Variants in PSEN2 observed in about 807,000 individuals in gnomAD.
PSEN2 encodes presenilin-2.
PSEN2 carries 32 observed loss-of-function variants against 49.1 expected under a neutral mutation model. The ratio of observed to expected loss-of-function variants is 0.65; its 90% CI spans 0.49 to 0.88. The LOEUF (loss-of-function observed/expected upper bound fraction) is 0.88. PSEN2 is among the 40% of genes least tolerant of loss of function. The probability of loss-of-function intolerance (pLI) is 0.00; values close to 1 mark genes in which losing one functional copy is unlikely to be tolerated. For synonymous variants in PSEN2, 255 were observed against 244.0 expected, an observed-to-expected ratio of 1.05 and a Z score of -0.42; for missense variants, 522 against 586.9, an observed-to-expected ratio of 0.89 and a Z score of 1.14.
In PSEN2 at chr1:226,891,353, C is replaced by T. The variant is rs1311206219; in HGVS notation, c.962C>T (p.Pro321Leu). Reference sequence around the variant, plus strand: ...GGTGCCCTCCAGCTCCCCTACGACCCGGAGATGGGTGAGTATCTTGGGGAG... The same window carrying T: ...GGTGCCCTCCAGCTCCCCTACGACCTGGAGATGGGTGAGTATCTTGGGGAG... ...SQGALQLPYD[P>L]EMEEDSYDSF... Residue 321 changes from proline to leucine, a missense_variant, in exon 10 of 13, where the codon CCG becomes CTG. By Grantham distance (98) the Pro-to-Leu change is moderately conservative. Transcript: ENST00000366783. 5.6e-6 allele frequency: 9 copies of T among 1,612,286 alleles called. 1 individual carries two copies. The South Asian group carries it at 7.7e-5, about 14-fold the overall frequency.
At chr1:226,875,023 C>T (rs1201724196) in intron 2 of PSEN2, among the ~76,000 whole-genome samples, 2 of 152,178 alleles carry the variant, frequency 1.3e-5, no homozygotes, top group Admixed American at 1.3e-4. Flanking sequence ...GAGAACTCTG[C>T]CTGGGCCCCA....
chr1:226,883,110 T>G (rs1288930393), intron 4 of PSEN2, among the ~76,000 whole-genome samples: 1 of 152,228 alleles, frequency 6.6e-6, no homozygotes, highest in African/African-American at 2.4e-5. Context: ...CCTCCTCATT[T>G]GTGCCTGCCC....
At position 226,889,931 on chromosome 1, in the gene PSEN2, G is replaced by A. The variant is rs565767836; in HGVS notation, c.788-104G>A. The stretch of plus-strand genomic sequence containing the variant: ...ATTTGGGATGCCAGCCCAGAGGCAA[G>A]GCATGCTCTGAGAGCTCCACCCGGG... On this transcript the variant is annotated intron_variant, in intron 8 of 12. Transcript: ENST00000366783. The A allele has an allele frequency of 1.1e-5, 10 of 905,896 alleles. No individual in the cohort carries two copies. The East Asian group carries it at 2.0e-4, about 18-fold the overall frequency. The allele number at this position is 905,896 out of a possible 1,614,324, so 56.1% of individuals were successfully genotyped here.
At chr1:226,895,309 G>A (rs907357990) in intron 12 of PSEN2, 115 bp from the exon 13 acceptor site, 46 of 1,189,760 alleles carry the variant, frequency 3.9e-5, no homozygotes, top group African/African-American at 1.4e-4. Context: ...GGTGTCTAGC[G>A]CCGTTATCCG....
chr1:226,894,441 G>A (rs1246207872), intron 12 of PSEN2, among the ~76,000 whole-genome samples: 2 of 152,242 alleles, frequency 1.3e-5, no homozygotes, highest in Non-Finnish European at 2.9e-5. Flanking sequence ...TGATACCCTC[G>A]AGGTGGTTGT....
chr1:226,901,301 T>G (rs567678081), downstream of PSEN2, among the ~76,000 whole-genome samples: 76 of 152,036 alleles, frequency 5.0e-4, no homozygotes, highest in Non-Finnish European at 1.1e-3. Flanking sequence ...CTGGGCGTGG[T>G]GGCGGGCACC....
downstream of PSEN2, among the ~76,000 whole-genome samples, chr1:226,899,884 A>G (rs996070568): frequency 6.6e-6 from 1 of 152,216 alleles, no homozygotes; most frequent in Non-Finnish European, 1.5e-5. Context: ...TCTTAAAAAC[A>G]TGTCTCAAAG....
chr1:226,891,938 T>A (rs2102690831), intron 11 of PSEN2, 94 bp downstream of exon 11: 1 of 1,174,862 alleles, frequency 8.5e-7, no homozygotes, highest in African/African-American at 1.5e-5. Flanking sequence ...GAGGAGGGCA[T>A]GAGGGGAGGG....
Position 226,891,167 on chromosome 1 carries a change from A to ATGGAGGGTCCTGTGC in PSEN2, c.887-110_887-96dup. 3 of 865,122 alleles carry ATGGAGGGTCCTGTGC rather than the reference A, an allele frequency of 3.5e-6. No individual in the cohort carries two copies. In the South Asian group the frequency reaches 4.3e-5, roughly 12 times the overall value. The allele number at this position is 865,122 out of a possible 1,614,324, so 53.6% of individuals were successfully genotyped here. A position where few individuals can be genotyped will look rare whatever the true frequency, so the allele number is the denominator to read the frequency against. ...TGGAGCATGAGCAGATACCTGCAGG[A>ATGGAGGGTCCTGTGC]TGGAGGGTCCTGTGCAGGCTTTCTG... is the stretch of plus-strand genomic sequence containing the variant. On this transcript the variant is annotated intron_variant, in intron 9 of 12. Coordinates refer to ENST00000366783, the MANE Select transcript of PSEN2 (RefSeq NM_000447.3).
intron 11 of PSEN2, among the ~76,000 whole-genome samples, chr1:226,892,873 T>C (rs1007149776): frequency 6.6e-6 from 1 of 152,178 alleles, no homozygotes; most frequent in African/African-American, 2.4e-5. Context: ...GTTCAATAAC[T>C]TGCTAGAATG....
At chr1:226,898,435 A>G (rs1662220870), downstream of PSEN2, 1 of 152,188 alleles carries the variant, frequency 6.6e-6, no homozygotes, top group Admixed American at 6.5e-5. Flanking sequence ...GACATTCCCA[A>G]TTACCCTCCA....
chr1:226,895,028 C>G (rs1662035697), intron 12 of PSEN2, among the ~76,000 whole-genome samples: 1 of 152,202 alleles, frequency 6.6e-6, no homozygotes, highest in South Asian at 2.1e-4. Flanking sequence ...CTCTGATTCC[C>G]TTGGTGCCAG....
intron 3 of PSEN2, chr1:226,880,746 G>T: frequency 6.2e-7 from 1 of 1,610,750 alleles, no homozygotes; most frequent in East Asian, 2.2e-5. Context: ...CCCCCACTTG[G>T]TACTACTGTG....
At position 226,881,884 on chromosome 1, in the gene PSEN2, C is replaced by T. The variant is rs776347122; in HGVS notation, c.-20-4C>T. 6 of 1,614,234 alleles carry T rather than the reference C, an allele frequency of 3.7e-6. No individual in the cohort carries two copies. The South Asian group carries it at 4.4e-5, about 12-fold the overall frequency. ...GAACAAGGTCCTTGTGCTCCTTTTT[C>T]CAGGTGCTTCCAGAGGCAGGGCTAT... On this transcript the variant is annotated splice_polypyrimidine_tract_variant and splice_region_variant and intron_variant, in intron 3 of 12. Coordinates refer to ENST00000366783, the MANE Select transcript of PSEN2 (RefSeq NM_000447.3).
intron 5 of PSEN2, 87 bp downstream of exon 5, chr1:226,884,006 T>C: frequency 8.8e-7 from 1 of 1,137,024 alleles, no homozygotes; most frequent in Non-Finnish European, 1.3e-6. Flanking sequence ...TTGGTCACTG[T>C]ACCTGCAGCT....
chr1:226,895,372 T>G, intron 12 of PSEN2, 52 bp from the exon 13 acceptor site: 2 of 1,608,012 alleles, frequency 1.2e-6, no homozygotes, highest in Non-Finnish European at 1.7e-6. Context: ...GACTCACAGC[T>G]CCTGTCCACA....
At chr1:226,890,165 C>G in intron 9 of PSEN2, 32 bp downstream of exon 9, 1 of 1,569,458 alleles carries the variant, frequency 6.4e-7, no homozygotes, top group Non-Finnish European at 8.8e-7. Flanking sequence ...CTGCCTGACT[C>G]GGGGTCAGCA....
chr1:226,873,356 A>C (rs1315463776), intron 2 of PSEN2, among the ~76,000 whole-genome samples: 2 of 152,196 alleles, frequency 1.3e-5, no homozygotes, highest in East Asian at 3.8e-4. Flanking sequence ...TACCTTAACC[A>C]GAAACTTACT....
chr1:226,877,867 G>A (rs780578564), intron 3 of PSEN2, among the ~76,000 whole-genome samples: 1 of 152,118 alleles, frequency 6.6e-6, no homozygotes, highest in Non-Finnish European at 1.5e-5. Context: ...TGATGAGACC[G>A]GGCCTGGGCA....
Sources: gnomAD v4.1 joint callset for allele counts (sites outside exome capture counted in the v4.1 genomes callset) on GRCh38, gnomAD v4.1.1 for gene constraint, MANE v1.5 for transcripts, NCBI Gene and HGNC (gene_info 2026-07-23, HGNC 2026-07-21) for gene names.